The following AHI1 variants were observed in gnomAD, a reference collection of about 807,000 sequenced individuals.
AHI1 encodes the protein Abelson helper integration site 1.
A neutral mutation model predicts 149.3 loss-of-function variants in AHI1; 123 were observed. That is an observed-to-expected ratio of 0.82 (90% CI 0.71 to 0.96). AHI1 has a LOEUF of 0.96. Ranked by LOEUF, AHI1 falls within the 40% of genes least tolerant of loss-of-function variation. The probability of loss-of-function intolerance (pLI) is 0.00; values close to 1 mark genes in which losing one functional copy is unlikely to be tolerated. For missense variants in AHI1, 1,439 were observed against 1,422.7 expected, an observed-to-expected ratio of 1.01 and a Z score of -0.18; for synonymous variants, 475 against 459.8, an observed-to-expected ratio of 1.03 and a Z score of -0.42.
Position 135,492,303 on chromosome 6 carries a change from AAGG to A in AHI1, c.-54-15_-54-13del. Reference sequence around the variant, plus strand: ...ACTCAATCAGGATCCTATCGAAACAAAGGAGATGTATTTGTAATATGGAACTTC... The same window carrying A: ...ACTCAATCAGGATCCTATCGAAACAAAGATGTATTTGTAATATGGAACTTC... On this transcript the variant is annotated splice_polypyrimidine_tract_variant and intron_variant, in intron 3 of 28. Transcript: ENST00000265602. The A allele has an allele frequency of 1.3e-6, 2 of 1,485,498 alleles. No individual in the cohort carries two copies. Among genetic ancestry groups the A allele is most frequent in the Non-Finnish European group, 1.8e-6 (2 of 1,116,218 alleles). The allele number at this position is 1,485,498 out of a possible 1,614,324, so 92.0% of individuals were successfully genotyped here.
chr6:135,379,130 T>A (rs1227929417), intron 23 of AHI1, among the ~76,000 whole-genome samples: 1 of 152,232 alleles, frequency 6.6e-6, no homozygotes, highest in Non-Finnish European at 1.5e-5. Flanking sequence ...GAGCAAGCTA[T>A]TAGATATCGT....
intron 21 of AHI1, among the ~76,000 whole-genome samples, chr6:135,408,305 C>CT (rs564404213): frequency 6.6e-6 from 1 of 151,790 alleles, no homozygotes; most frequent in Non-Finnish European, 1.5e-5. Flanking sequence ...AACACATTTT[C>CT]TTTTTTTTCC....
At position 135,467,565 on chromosome 6, in the gene AHI1, T is replaced by C. The variant is rs996219620; in HGVS notation, c.189+16A>G. 5.0e-6 allele frequency: 8 copies of C among 1,593,244 alleles called. No individual in the cohort carries two copies. Among genetic ancestry groups the C allele is most frequent in the African/African-American group, 1.3e-5 (1 of 74,606 alleles). ...CTCATGCTCTTCTTCAGGCTGTTAGTGTTAGCAGTACTTACATCATCACTT... is the reference window on the plus strand; with the variant it reads ...CTCATGCTCTTCTTCAGGCTGTTAGCGTTAGCAGTACTTACATCATCACTT... On this transcript the variant is annotated intron_variant, in intron 6 of 28. Coordinates refer to ENST00000265602, the MANE Select transcript of AHI1 (RefSeq NM_001134831.2).
chr6:135,466,126 G>A lies in AHI1; in HGVS notation c.437C>T (p.Pro146Leu), dbSNP rs1385914176. The change falls in exon 7 of 29, where the codon CCT becomes CTT. Residue 146 changes from proline (P) to leucine (L), a missense_variant. Coordinates refer to ENST00000265602, the MANE Select transcript of AHI1 (RefSeq NM_001134831.2). ...GTGTGTAGAATCAACCTTATTCTCA[G>A]GAGTTTCCGGTTTCAGGTCTTGTGT... The part of the protein sequence containing the change: ...LTTQDLKPET[P>L]ENKVDSTHQK... The A allele has an allele frequency of 1.9e-6, 3 of 1,613,844 alleles. No individual in the cohort carries two copies. The highest frequency in any genetic ancestry group is 2.5e-6 in the Non-Finnish European group (3 of 1,179,838).
intron 5 of AHI1, among the ~76,000 whole-genome samples, chr6:135,478,988 T>G (rs1322761223): frequency 6.6e-6 from 1 of 152,260 alleles, no homozygotes; most frequent in Admixed American, 6.5e-5. Context: ...AGCTTCCATG[T>G]GGTATTGAGC....
At chr6:135,456,640 G>A (rs1452583147) in intron 9 of AHI1, among the ~76,000 whole-genome samples, 2 of 151,956 alleles carry the variant, frequency 1.3e-5, no homozygotes, top group African/African-American at 4.8e-5. Context: ...TGTGCCCTAA[G>A]GCAAATGAAT....
intron 23 of AHI1, among the ~76,000 whole-genome samples, chr6:135,375,636 A>G (rs1775803424): frequency 6.6e-6 from 1 of 152,232 alleles, no homozygotes. Flanking sequence ...TTATTGATAA[A>G]TGACAAGGCT....
intron 27 of AHI1, among the ~76,000 whole-genome samples, chr6:135,294,971 A>G (rs750717877): frequency 1.3e-5 from 2 of 152,182 alleles, no homozygotes; most frequent in Non-Finnish European, 2.9e-5. Context: ...TTCAAAAGTC[A>G]CTGCTAAAAG....
chr6:135,364,802 G>C (rs1190194240), intron 23 of AHI1, among the ~76,000 whole-genome samples: 1 of 152,238 alleles, frequency 6.6e-6, no homozygotes, highest in African/African-American at 2.4e-5. Flanking sequence ...TGAGGCAGGA[G>C]AATCAGGCAG....
intron 3 of AHI1, among the ~76,000 whole-genome samples, chr6:135,494,451 C>T (rs1452865885): frequency 6.6e-6 from 1 of 152,208 alleles, no homozygotes; most frequent in African/African-American, 2.4e-5. Context: ...GATCCAAATA[C>T]CAGTTCTATC....
chr6:135,436,833 C>T (rs1200598251), intron 15 of AHI1, among the ~76,000 whole-genome samples: 1 of 152,130 alleles, frequency 6.6e-6, no homozygotes, highest in East Asian at 1.9e-4. Flanking sequence ...AACTCCTGAC[C>T]TCCAGTGATC....
chr6:135,470,582 T>C (rs572655735), intron 5 of AHI1, among the ~76,000 whole-genome samples: 1 of 152,218 alleles, frequency 6.6e-6, no homozygotes, highest in East Asian at 1.9e-4. Context: ...CCATCAATGA[T>C]AGACTGGATA....
At position 135,284,547 on chromosome 6, in the gene AHI1, T is replaced by G. The variant is rs1368043120; in HGVS notation, c.*1098A>C. On this transcript the variant is annotated 3_prime_UTR_variant, in exon 29 of 29. Coordinates refer to ENST00000265602, the MANE Select transcript of AHI1 (RefSeq NM_001134831.2). ...TTATAATATCAAACTTCAAAACATA[T>G]AGTCTATAATAATGACACTATTATT... 3 of 152,026 alleles carry G rather than the reference T, an allele frequency of 2.0e-5. No individual in the cohort carries two copies. Among genetic ancestry groups the G allele is most frequent in the Admixed American group, 2.0e-4 (3 of 15,272 alleles). The allele number at this position is 152,026 out of a possible 1,614,324, so 9.4% of individuals were successfully genotyped here.
At chr6:135,386,662 C>T (rs955673872) in intron 23 of AHI1, among the ~76,000 whole-genome samples, 7 of 150,974 alleles carry the variant, frequency 4.6e-5, no homozygotes, top group African/African-American at 1.5e-4. Flanking sequence ...CGGAGTTTTG[C>T]TCTTGTCATC....
chr6:135,290,505 T>G lies in AHI1; in HGVS notation c.3506A>C (p.Gln1169Pro). The G allele has an allele frequency of 6.2e-7, 1 of 1,613,954 alleles. No homozygotes were observed. Among genetic ancestry groups the G allele is most frequent in the South Asian group, 1.1e-5 (1 of 91,082 alleles). The change falls in exon 28 of 29, where the codon CAG (glutamine) becomes CCG (proline). Residue 1169 changes from glutamine (Q) to proline (P), a missense_variant. Physicochemically the swap from Gln to Pro is moderately conservative, Grantham distance 76. Coordinates refer to ENST00000265602, the MANE Select transcript of AHI1 (RefSeq NM_001134831.2). ...SMTHSEMRKE[Q>P]SHEDQGHIMD... ...TATGTGTCCTTGGTCCTCATGGCTC[T>G]GTTCTTTTCTCATTTCAGAACTATA...
Position 135,433,236 on chromosome 6 carries a change from T to C in AHI1, c.2057A>G (p.Asn686Ser). 3 of 1,604,832 alleles carry C rather than the reference T, an allele frequency of 1.9e-6. No homozygotes were observed. Among genetic ancestry groups the C allele is most frequent in the Non-Finnish European group, 2.6e-6 (3 of 1,172,208 alleles). Residue 686 changes from asparagine (N) to serine (S), a missense_variant, in exon 16 of 29, where the codon AAC becomes AGC. Asn to Ser is a conservative substitution (Grantham distance 46). Transcript: ENST00000265602. ...TAAAACTCTGAAAGTATTTGTATTGTTTATTTCATTTTTCCATATCCTGGA... is the reference window on the plus strand; with the variant it reads ...TAAAACTCTGAAAGTATTTGTATTGCTTATTTCATTTTTCCATATCCTGGA... ...GTARIWKNEINNTNTFRVLPH... is the reference protein window; with the variant it reads ...GTARIWKNEISNTNTFRVLPH...
chr6:135,399,584 C>G (rs1320276834), intron 22 of AHI1, among the ~76,000 whole-genome samples: 1 of 152,132 alleles, frequency 6.6e-6, no homozygotes, highest in Non-Finnish European at 1.5e-5. Context: ...GTTAGATCCG[C>G]TGAGCTCCTC....
At position 135,321,224 on chromosome 6, in the gene AHI1, C is replaced by T. The variant is rs139314178; in HGVS notation, c.3328+1938G>A. On this transcript the variant is annotated intron_variant, in intron 25 of 28. Coordinates refer to ENST00000265602, the MANE Select transcript of AHI1 (RefSeq NM_001134831.2). ...GCTTTAGTGAGCCGTGACTGCATCA[C>T]TGCACTCTAGCCTGGGTGACAAAGT... Among the ~76,000 whole-genome samples the T allele has an allele frequency of 4.6e-3, 704 of 152,084 alleles. 8 individuals are homozygous for T. The highest frequency in any genetic ancestry group is 0.016 in the African/African-American group (672 of 41,464).
rs113468048 is a variant in AHI1, at chr6:135,489,970, T to C, written c.135+653A>G. 5.3e-3 allele frequency: 2,229 copies of C among 418,406 alleles called. 55 individuals are homozygous for C. Among genetic ancestry groups the C allele is most frequent in the African/African-American group, 0.042 (2,048 of 48,360 alleles). 25.9% of individuals were successfully genotyped at this position (418,406 alleles called of 1,614,324 possible). On this transcript the variant is annotated intron_variant, in intron 5 of 28. Coordinates refer to ENST00000265602, the MANE Select transcript of AHI1 (RefSeq NM_001134831.2). ...TTTTCTGTGAGGACAGAAGAGATAA[T>C]GGTCAAAGTAGTAAAAAGTGCAACT...
Sources: allele counts gnomAD v4.1 joint callset (sites outside exome capture counted in the v4.1 genomes callset), GRCh38; gene constraint gnomAD v4.1.1; transcripts MANE v1.5; gene names NCBI Gene and HGNC (gene_info 2026-07-23, HGNC 2026-07-21).